The following UST variants were observed in gnomAD, a reference collection of about 807,000 sequenced individuals.
The protein encoded by UST is uronyl 2-sulfotransferase, also known as chondroitin sulfate 2-O-sulfotransferase.
A neutral mutation model predicts 45.6 loss-of-function variants in UST; 21 were observed. The ratio of observed to expected loss-of-function variants is 0.46; its 90% CI spans 0.33 to 0.66. The LOEUF (loss-of-function observed/expected upper bound fraction) is 0.66. Among genes scored for constraint, UST ranks in the 30% least tolerant of loss-of-function variants. The probability of loss-of-function intolerance (pLI) is 0.02; values close to 1 mark genes in which losing one functional copy is unlikely to be tolerated. For missense variants in UST, 463 were observed against 512.4 expected (o/e 0.90, Z 0.93); for synonymous variants, 215 against 200.6 (o/e 1.07, Z -0.61).
intron 5 of UST, among the ~76,000 whole-genome samples, chr6:148,988,044 T>C (rs1052736802): frequency 6.6e-6 from 1 of 151,768 alleles, no homozygotes; most frequent in Non-Finnish European, 1.5e-5. Context: ...TGTGGGGAGC[T>C]CGTGTCTGTG....
At chr6:149,003,672 C>T (rs1222299573) in intron 5 of UST, among the ~76,000 whole-genome samples, 1 of 152,220 alleles carries the variant, frequency 6.6e-6, no homozygotes, top group Non-Finnish European at 1.5e-5. Flanking sequence ...TGGTTTTGCA[C>T]TAAAATCTGT....
intron 2 of UST, among the ~76,000 whole-genome samples, chr6:148,907,569 A>G (rs1189868293): frequency 6.6e-6 from 1 of 152,192 alleles, no homozygotes; most frequent in African/African-American, 2.4e-5. Context: ...TTACTTTACA[A>G]AAGAGAACCA....
At position 149,069,963 on chromosome 6, in the gene UST, C is replaced by T. The variant is rs549424206; in HGVS notation, c.938-3870C>T. On this transcript the variant is annotated intron_variant, in intron 7 of 7. Coordinates refer to ENST00000367463, the MANE Select transcript of UST (RefSeq NM_005715.3). The stretch of plus-strand genomic sequence containing the variant: ...TTAGGAAATTACTGTTTCAACCTTA[C>T]GACAAAGAGCTTTGAGGCTGTGAAA... 6.6e-5 allele frequency among the ~76,000 whole-genome samples: 10 copies of T among 152,318 alleles called. No homozygotes were observed. The South Asian group carries it at 1.0e-3, about 16-fold the overall frequency.
At chr6:148,986,316 T>G (rs1341723229) in intron 5 of UST, among the ~76,000 whole-genome samples, 3 of 152,184 alleles carry the variant, frequency 2.0e-5, no homozygotes, top group Non-Finnish European at 4.4e-5. Flanking sequence ...ATTGGTATTA[T>G]TATACCTGTT....
chr6:149,051,746 G>A (rs186969120), intron 7 of UST, among the ~76,000 whole-genome samples: 2 of 152,218 alleles, frequency 1.3e-5, no homozygotes, highest in Admixed American at 6.5e-5. Flanking sequence ...TGGCGATGGG[G>A]GGGTGTCTGA....
At chr6:148,961,645 A>G (rs1780660423) in intron 4 of UST, among the ~76,000 whole-genome samples, 1 of 152,256 alleles carries the variant, frequency 6.6e-6, no homozygotes, top group South Asian at 2.1e-4. Flanking sequence ...TTGGCTGAGT[A>G]TAAGAAAGAC....
rs889641515 is a variant in UST, at chr6:149,011,756, G to A, written c.682-7383G>A. Reference sequence around the variant, plus strand: ...GAACCTGGGAGGCAGAGGTTACAGCGAGCCGAGATCGTGCCACTGCACTCC... The same window carrying A: ...GAACCTGGGAGGCAGAGGTTACAGCAAGCCGAGATCGTGCCACTGCACTCC... On this transcript the variant is annotated intron_variant, in intron 5 of 7. Coordinates refer to ENST00000367463, the MANE Select transcript of UST (RefSeq NM_005715.3). Among the ~76,000 whole-genome samples the A allele has an allele frequency of 2.6e-5, 4 of 152,186 alleles. 1 individual carries two copies. The highest frequency in any genetic ancestry group is 6.5e-5 in the Admixed American group (1 of 15,288).
At chr6:149,001,141 G>A (rs1394705489) in intron 5 of UST, among the ~76,000 whole-genome samples, 2 of 148,384 alleles carry the variant, frequency 1.3e-5, no homozygotes, top group African/African-American at 5.0e-5. Flanking sequence ...GCATGATCTC[G>A]ACTCACTGCA....
At chr6:148,915,044 G>A (rs1779558649) in intron 2 of UST, among the ~76,000 whole-genome samples, 1 of 152,022 alleles carries the variant, frequency 6.6e-6, no homozygotes, top group South Asian at 2.1e-4. Flanking sequence ...AGGGGGCATG[G>A]CAATTCTCTG....
chr6:148,875,296 G>A (rs1234594054), intron 1 of UST, among the ~76,000 whole-genome samples: 2 of 152,142 alleles, frequency 1.3e-5, no homozygotes, highest in African/African-American at 4.8e-5. Flanking sequence ...TAGCCCCTGA[G>A]GTTCTGGAAG....
At chr6:148,811,278 T>C (rs1777252161) in intron 1 of UST, among the ~76,000 whole-genome samples, 1 of 152,170 alleles carries the variant, frequency 6.6e-6, no homozygotes, top group African/African-American at 2.4e-5. Context: ...AAACCTAGGC[T>C]TGTTCTTTTA....
intron 7 of UST, among the ~76,000 whole-genome samples, chr6:149,045,919 A>T (rs1036573428): frequency 1.3e-5 from 2 of 152,194 alleles, no homozygotes; most frequent in Admixed American, 1.3e-4. Flanking sequence ...CATCTCCCAG[A>T]ATATCTGCTT....
At chr6:148,755,166 T>C (rs1641683837) in intron 1 of UST, among the ~76,000 whole-genome samples, 2 of 152,230 alleles carry the variant, frequency 1.3e-5, no homozygotes, top group Admixed American at 1.3e-4. Context: ...GTTTATTATG[T>C]TCCTTATACA....
intron 5 of UST, among the ~76,000 whole-genome samples, chr6:148,971,197 G>C (rs1780910389): frequency 6.7e-6 from 1 of 148,172 alleles, no homozygotes; most frequent in South Asian, 2.2e-4. Flanking sequence ...CCTGGCCCTA[G>C]TCTGCAAAAC....
chr6:148,755,914 T>A (rs1776086897), intron 1 of UST, among the ~76,000 whole-genome samples: 1 of 152,104 alleles, frequency 6.6e-6, no homozygotes, highest in Non-Finnish European at 1.5e-5. Context: ...CGTGCAGGTT[T>A]GTTACATACG....
intron 5 of UST, among the ~76,000 whole-genome samples, chr6:148,994,371 T>G (rs1293742124): frequency 6.6e-6 from 1 of 152,150 alleles, no homozygotes; most frequent in Non-Finnish European, 1.5e-5. Flanking sequence ...GAAAAACAAT[T>G]TATTCACTTT....
At chr6:148,849,489 A>G (rs1216982570) in intron 1 of UST, among the ~76,000 whole-genome samples, 3 of 152,122 alleles carry the variant, frequency 2.0e-5, no homozygotes, top group African/African-American at 7.2e-5. Flanking sequence ...GCCTCTTTTG[A>G]TGGATGCTGT....
In UST at chr6:148,748,146, T is replaced by C. The variant is rs1775910484; in HGVS notation, c.247+469T>C. ...GGGTGGGTTTAGCCCTTTGCCACCG[T>C]CCGCTCTGAGAATTCTGTCCCGCAG... On this transcript the variant is annotated intron_variant, in intron 1 of 7. Transcript: ENST00000367463. This position sits in a 1 kb window ranked among gnomAD's most constrained non-coding sequence, Gnocchi z 5.3. Among the ~76,000 whole-genome samples the C allele has an allele frequency of 6.6e-6, 1 of 152,178 alleles. No individual in the cohort carries two copies. Among genetic ancestry groups the C allele is most frequent in the African/African-American group, 2.4e-5 (1 of 41,446 alleles).
At chr6:148,772,566 G>T (rs192285350) in intron 1 of UST, among the ~76,000 whole-genome samples, 144 of 152,196 alleles carry the variant, frequency 9.5e-4, no homozygotes, top group East Asian at 3.3e-3. Context: ...GGGATTACAG[G>T]TGTGCACCAC....
Sources: allele counts gnomAD v4.1 joint callset (sites outside exome capture counted in the v4.1 genomes callset), GRCh38; gene constraint gnomAD v4.1.1; non-coding constraint Gnocchi (gnomAD v3.1); transcripts MANE v1.5; gene names NCBI Gene and HGNC (gene_info 2026-07-23, HGNC 2026-07-21).